C13orf42: variants seen among roughly 807,000 people sequenced by gnomAD.
C13orf42 encodes the protein uncharacterized protein C13orf42.
intron 1 of C13orf42, among the ~76,000 whole-genome samples, chr13:51,149,097 G>A (rs1398488138): frequency 1.3e-5 from 2 of 152,116 alleles, no homozygotes; most frequent in Non-Finnish European, 2.9e-5. Context: ...CACAAGAAGG[G>A]CTGGGCAAGA....
intron 1 of C13orf42, among the ~76,000 whole-genome samples, chr13:51,162,520 T>A (rs981141316): frequency 2.6e-5 from 4 of 152,092 alleles, no homozygotes; most frequent in African/African-American, 9.7e-5. Flanking sequence ...AACCTGTGAG[T>A]GTTTTTAGTT....
chr13:51,160,127 G>C (rs1953853721), intron 1 of C13orf42, among the ~76,000 whole-genome samples: 1 of 152,180 alleles, frequency 6.6e-6, no homozygotes, highest in South Asian at 2.1e-4. Flanking sequence ...AATTCAAGTT[G>C]AGATTTGGGT....
rs1391496221 is a variant in C13orf42 at position 51,110,968 on chromosome 13, C to T, written c.242G>A (p.Arg81His). 2 of 398,538 alleles carry T rather than the reference C, an allele frequency of 5.0e-6. No homozygotes were observed. The highest frequency in any genetic ancestry group is 4.4e-5 in the Admixed American group (1 of 22,726). The allele number at this position is 398,538 out of a possible 1,614,324, so 24.7% of individuals were successfully genotyped here. A position where few individuals can be genotyped will look rare whatever the true frequency, so the allele number is the denominator to read the frequency against. ...CAGGTACTGCAGGCAGTCCTGGGTG[C>T]GCGAATACATCCACGCCCGGTCCTC... ...QEEDRAWMYS[R>H]TQDCLQYLQE... Residue 81 changes from arginine to histidine, a missense_variant, in exon 1 of 4, where the codon CGC becomes CAC. Arg to His is a conservative substitution (Grantham distance 29, BLOSUM62 0). Coordinates refer to ENST00000563710, the MANE Select transcript of C13orf42 (RefSeq NM_001351589.3).
chr13:51,087,033 C>A (rs545787306), intron 2 of C13orf42, among the ~76,000 whole-genome samples: 50 of 152,308 alleles, frequency 3.3e-4, no homozygotes, highest in African/African-American at 7.5e-4. Flanking sequence ...AATATTGGTA[C>A]CAAAAGCTCT....
chr13:51,155,782 T>C (rs923333608), intron 1 of C13orf42, among the ~76,000 whole-genome samples: 6 of 152,232 alleles, frequency 3.9e-5, no homozygotes, highest in African/African-American at 1.4e-4. Context: ...AAGTCTTGAC[T>C]TCTGGGGAAG....
chr13:51,163,264 G>A (rs1312583674), intron 1 of C13orf42, among the ~76,000 whole-genome samples: 7 of 152,122 alleles, frequency 4.6e-5, no homozygotes, highest in South Asian at 2.1e-4. Context: ...CATCATTCAC[G>A]TATGCCTTTA....
Position 51,161,790 on chromosome 13 carries a change from C to A in C13orf42, n.136+10463G>T, listed in dbSNP as rs1953866481. On this transcript the variant is annotated intron_variant and non_coding_transcript_variant, in intron 1 of 4. Coordinates refer to the C13orf42 transcript ENST00000433280. ...AGCATTAAGCTCCTTGATTTCAGAA[C>A]CATAACCAGGGAATCGTTAGGCACT... The A allele has an allele frequency of 1.3e-5, 4 of 317,916 alleles. No individual in the cohort carries two copies. The South Asian group carries it at 1.4e-4, about 11-fold the overall frequency. 19.7% of individuals were successfully genotyped at this position (317,916 alleles called of 1,614,324 possible).
At chr13:51,115,012 TA>T (rs1391874250), upstream of C13orf42, among the ~76,000 whole-genome samples, 7 of 152,130 alleles carry the variant, frequency 4.6e-5, no homozygotes, top group African/African-American at 1.7e-4. Context: ...TAAATACAAT[TA>T]AAAAACAACA....
chr13:51,128,092 T>C (rs938966253), intron 1 of C13orf42, among the ~76,000 whole-genome samples: 5 of 152,214 alleles, frequency 3.3e-5, no homozygotes, highest in African/African-American at 4.8e-5. Context: ...ACAAATGCCA[T>C]GGCAATGTCA....
rs1337790605 is a variant in C13orf42, at chr13:51,084,146, T to G, written c.*5A>C. The stretch of plus-strand genomic sequence containing the variant: ...TCTGAGACACGTCAAGGAATCCAGA[T>G]GGAGTCAGGGCACCGTCCGCTCCCA... On this transcript the variant is annotated 3_prime_UTR_variant, in exon 4 of 4. Coordinates refer to ENST00000563710, the MANE Select transcript of C13orf42 (RefSeq NM_001351589.3). The G allele has an allele frequency of 2.5e-6, 1 of 398,588 alleles. No individual in the cohort carries two copies. Among genetic ancestry groups the G allele is most frequent in the African/African-American group, 2.1e-5 (1 of 48,658 alleles). The allele number at this position is 398,588 out of a possible 1,614,324, so 24.7% of individuals were successfully genotyped here. A position where few individuals can be genotyped will look rare whatever the true frequency, so the allele number is the denominator to read the frequency against.
intron 1 of C13orf42, among the ~76,000 whole-genome samples, chr13:51,126,631 A>G (rs1185848146): frequency 6.6e-6 from 1 of 152,236 alleles, no homozygotes; most frequent in Non-Finnish European, 1.5e-5. Context: ...GAAGCCCCTC[A>G]CCAGGTCCAA....
At chr13:51,101,064 G>T (rs1953284996) in intron 1 of C13orf42, among the ~76,000 whole-genome samples, 2 of 152,148 alleles carry the variant, frequency 1.3e-5, no homozygotes, top group African/African-American at 4.8e-5. Context: ...GGTTTGCCAG[G>T]TTTAACAAAT....
chr13:51,102,741 T>A (rs1440335702), intron 1 of C13orf42, among the ~76,000 whole-genome samples: 1 of 152,184 alleles, frequency 6.6e-6, no homozygotes, highest in African/African-American at 2.4e-5. Flanking sequence ...ATTAAAGAAA[T>A]ACCTGAGACT....
At chr13:51,137,328 G>C (rs891181954) in intron 1 of C13orf42, among the ~76,000 whole-genome samples, 3 of 152,156 alleles carry the variant, frequency 2.0e-5, no homozygotes, top group Admixed American at 2.0e-4. Flanking sequence ...TGTGGGGTCT[G>C]TGCAACCCTG....
intron 1 of C13orf42, among the ~76,000 whole-genome samples, chr13:51,097,891 C>A (rs1016437645): frequency 3.3e-5 from 5 of 152,104 alleles, no homozygotes; most frequent in Admixed American, 6.6e-5. Flanking sequence ...CCCAGGGAGA[C>A]AAAGCTTTCT....
chr13:51,171,656 G>A (rs1024866060), intron 1 of C13orf42, among the ~76,000 whole-genome samples: 20 of 152,010 alleles, frequency 1.3e-4, no homozygotes, highest in Admixed American at 1.1e-3. Context: ...TTACAGTTTC[G>A]TTCGGTGACT....
rs138582929 is a variant in C13orf42, at chr13:51,082,418, G to A, written c.*1733C>T. 66 of 152,206 alleles carry A rather than the reference G, an allele frequency of 4.3e-4. No homozygotes were observed. The highest frequency in any genetic ancestry group is 3.4e-3 in the Middle Eastern group (1 of 294). The allele number at this position is 152,206 out of a possible 1,614,324, so 9.4% of individuals were successfully genotyped here. On this transcript the variant is annotated 3_prime_UTR_variant, in exon 4 of 4. Transcript: ENST00000563710. ...AAAAATCAGGACTCCAAACATCCTC[G>A]CAGTCATGTTTATTTTTTCTTATCT...
intron 1 of C13orf42, among the ~76,000 whole-genome samples, chr13:51,116,607 T>A (rs1262645233): frequency 6.6e-6 from 1 of 152,228 alleles, no homozygotes; most frequent in Non-Finnish European, 1.5e-5. Flanking sequence ...ATGTGGCAAA[T>A]GGAATTGTGA....
chr13:51,161,296 T>C (rs1953862402), intron 1 of C13orf42, among the ~76,000 whole-genome samples: 1 of 151,858 alleles, frequency 6.6e-6, no homozygotes, highest in Non-Finnish European at 1.5e-5. Context: ...GCTAAAGTGA[T>C]AGAAGCAGAA....
Sources: gnomAD v4.1 joint callset for allele counts (sites outside exome capture counted in the v4.1 genomes callset) on GRCh38, gnomAD v4.1.1 for gene constraint, MANE v1.5 for transcripts, NCBI Gene and HGNC (gene_info 2026-07-23, HGNC 2026-07-21) for gene names.